NEO1: variants seen among roughly 807,000 people sequenced by gnomAD.
NEO1 encodes the protein neogenin 1.
NEO1 carries 63 observed loss-of-function variants against 159.7 expected under a neutral mutation model. That is an observed-to-expected ratio of 0.39 (90% confidence interval 0.32 to 0.49). The LOEUF (loss-of-function observed/expected upper bound fraction) is 0.49, where lower values mean the gene tolerates loss of function less well. Among genes scored for constraint, NEO1 ranks in the 20% least tolerant of loss-of-function variants. NEO1 has a pLI of 0.85. For synonymous variants in NEO1, 633 were observed against 662.0 expected, an observed-to-expected ratio of 0.96 and a Z score of 0.67; for missense variants, 1,615 against 1,831.0, an observed-to-expected ratio of 0.88 and a Z score of 2.15.
At chr15:73,200,754 G>T (rs2680351) in intron 7 of NEO1, among the ~76,000 whole-genome samples, 1 of 150,276 alleles carries the variant, frequency 6.7e-6, no homozygotes, top group African/African-American at 2.5e-5. Flanking sequence ...CATGATCGGG[G>T]CTCACGGCAG....
At chr15:73,168,378 G>T (rs1346309897) in intron 5 of NEO1, among the ~76,000 whole-genome samples, 1 of 44,176 alleles carries the variant, frequency 2.3e-5, no homozygotes, top group Non-Finnish European at 5.4e-5. Context: ...GAGACGGGGG[G>T]TGGGGGGGGG....
intron 7 of NEO1, among the ~76,000 whole-genome samples, chr15:73,225,667 T>C (rs1420277769): frequency 2.0e-5 from 3 of 152,108 alleles, no homozygotes; most frequent in Admixed American, 6.5e-5. Context: ...GCCCCGAGTC[T>C]GCCAGCAGTT....
rs145776466 is a variant in NEO1, at chr15:73,171,869, T to A, written c.1016-4534T>A. On this transcript the variant is annotated intron_variant, in intron 5 of 28. Coordinates refer to ENST00000261908, the MANE Select transcript of NEO1 (RefSeq NM_002499.4). ...GTTGGCCAGGCTAGTCTTGAACTCC[T>A]GACCTCAGGTGATCACCTGCCTCGG... Among the ~76,000 whole-genome samples, 1,303 of 152,090 alleles carry A rather than the reference T, an allele frequency of 8.6e-3. 22 individuals are homozygous for A. Among genetic ancestry groups the A allele is most frequent in the African/African-American group, 0.03 (1,231 of 41,500 alleles).
At chr15:73,228,001 A>C (rs761648509) in intron 7 of NEO1, among the ~76,000 whole-genome samples, 9 of 152,186 alleles carry the variant, frequency 5.9e-5, no homozygotes, top group Non-Finnish European at 1.3e-4. Flanking sequence ...CTGTTGAAAG[A>C]AAGACTGGAT....
chr15:73,131,660 C>T (rs1596089572), intron 4 of NEO1, among the ~76,000 whole-genome samples: 1 of 152,322 alleles, frequency 6.6e-6, no homozygotes, highest in South Asian at 2.1e-4. Context: ...TACACCTTCA[C>T]ACTCCTGCCA....
chr15:73,304,994 C>A lies in NEO1; in HGVS notation c.*2298C>A, dbSNP rs921084544. On this transcript the variant is annotated 3_prime_UTR_variant, in exon 29 of 29. Coordinates refer to ENST00000261908, the MANE Select transcript of NEO1 (RefSeq NM_002499.4). ...TCCTGTAGTGTCCTGGTTGAGCTGC[C>A]GCTCAGCAGCTTCCTCGGGGGGATT... 1 of 152,102 alleles carries A rather than the reference C, an allele frequency of 6.6e-6. No individual in the cohort carries two copies. Among genetic ancestry groups the A allele is most frequent in the Non-Finnish European group, 1.5e-5 (1 of 68,036 alleles). 9.4% of individuals were successfully genotyped at this position (152,102 alleles called of 1,614,324 possible). A position where few individuals can be genotyped will look rare whatever the true frequency, so the allele number is the denominator to read the frequency against.
At chr15:73,293,309 G>T in intron 25 of NEO1, 81 bp from the exon 26 acceptor site, 2 of 1,545,062 alleles carry the variant, frequency 1.3e-6, no homozygotes, top group Admixed American at 1.7e-5. Context: ...GTGGGAAGGG[G>T]GTGACTTTGC....
intron 1 of NEO1, among the ~76,000 whole-genome samples, chr15:73,069,200 G>A (rs927999018): frequency 6.7e-6 from 1 of 148,896 alleles, no homozygotes; most frequent in African/African-American, 2.5e-5. Context: ...GGGCTTAAGC[G>A]ATCCTCCCTT....
intron 1 of NEO1, among the ~76,000 whole-genome samples, chr15:73,077,205 G>A (rs2151357004): frequency 6.6e-6 from 1 of 152,140 alleles, no homozygotes; most frequent in Non-Finnish European, 1.5e-5. Flanking sequence ...CACCACGCCT[G>A]GCTAATTTTT....
intron 3 of NEO1, 49 bp from the exon 4 acceptor site, chr15:73,126,368 C>A (rs767851153): frequency 6.6e-7 from 1 of 1,509,660 alleles, no homozygotes; most frequent in Non-Finnish European, 8.9e-7. Flanking sequence ...CCATGTCCAG[C>A]CTGTTTTGTC....
Position 73,301,525 on chromosome 15 carries a change from G to A in NEO1, c.4302+68G>A, listed in dbSNP as rs994595910. On this transcript the variant is annotated intron_variant, in intron 28 of 28. Coordinates refer to ENST00000261908, the MANE Select transcript of NEO1 (RefSeq NM_002499.4). Reference sequence around the variant, plus strand: ...CATGCCCCAGGGCCTGAGACTGCTGGTCAAGCTGATAATCTGTGCATACCA... The same window carrying A: ...CATGCCCCAGGGCCTGAGACTGCTGATCAAGCTGATAATCTGTGCATACCA... 4 of 1,604,172 alleles carry A rather than the reference G, an allele frequency of 2.5e-6. No individual in the cohort carries two copies. In the African/African-American group the frequency reaches 4.0e-5, roughly 16 times the overall value.
chr15:73,084,110 GT>G (rs1274655297), intron 1 of NEO1, among the ~76,000 whole-genome samples: 2 of 151,112 alleles, frequency 1.3e-5, no homozygotes, highest in African/African-American at 2.4e-5. Context: ...TATACTTAAC[GT>G]TTTTCTGTAG....
intron 7 of NEO1, among the ~76,000 whole-genome samples, chr15:73,201,951 A>G (rs1596329525): frequency 7.8e-6 from 1 of 128,794 alleles, no homozygotes; most frequent in Admixed American, 7.9e-5. Flanking sequence ...AAGCTATATC[A>G]TTCTTTTTTT....
At chr15:73,264,396 C>A (rs2040787015) in intron 15 of NEO1, among the ~76,000 whole-genome samples, 1 of 152,152 alleles carries the variant, frequency 6.6e-6, no homozygotes. Flanking sequence ...TATAGCAAGA[C>A]ACAGTAGAGC....
intron 7 of NEO1, among the ~76,000 whole-genome samples, chr15:73,196,646 A>G (rs1478944625): frequency 2.0e-5 from 3 of 152,214 alleles, no homozygotes; most frequent in African/African-American, 7.2e-5. Context: ...TTCAGGTATT[A>G]GAGTAGCTTT....
chr15:73,231,743 C>T (rs1169566303), intron 7 of NEO1, among the ~76,000 whole-genome samples: 1 of 152,134 alleles, frequency 6.6e-6, no homozygotes, highest in Non-Finnish European at 1.5e-5. Flanking sequence ...ATCCTGGCCC[C>T]TCCGTATTGC....
chr15:73,098,082 A>AAC (rs34778128), intron 1 of NEO1, among the ~76,000 whole-genome samples: 2,362 of 149,854 alleles, frequency 0.016, 70 homozygotes, highest in African/African-American at 0.054. Flanking sequence ...TTTATCCCAC[A>AAC]ACACACACAC....
At chr15:73,188,833 C>T (rs867156524) in intron 7 of NEO1, among the ~76,000 whole-genome samples, 2 of 152,162 alleles carry the variant, frequency 1.3e-5, no homozygotes, top group Non-Finnish European at 2.9e-5. Flanking sequence ...TGCAGTGGCT[C>T]ACCCCTGTAA....
At chr15:73,083,120 A>G (rs1401523205) in intron 1 of NEO1, among the ~76,000 whole-genome samples, 2 of 152,222 alleles carry the variant, frequency 1.3e-5, no homozygotes, top group African/African-American at 2.4e-5. Context: ...TTTGGACTTC[A>G]TCATGAGAGT....
Sources: gnomAD v4.1 joint callset for allele counts (sites outside exome capture counted in the v4.1 genomes callset) on GRCh38, gnomAD v4.1.1 for gene constraint, MANE v1.5 for transcripts, NCBI Gene and HGNC (gene_info 2026-07-23, HGNC 2026-07-21) for gene names.